The following PCNX2 variants were observed in gnomAD, a reference collection of about 807,000 sequenced individuals.
The protein encoded by PCNX2 is pecanex-like protein 2.
Under a neutral mutation model 223.8 loss-of-function variants are expected in PCNX2, and 168 were observed. The ratio of observed to expected loss-of-function variants is 0.75; its 90% CI spans 0.66 to 0.85. The LOEUF is 0.85. Among genes scored for constraint, PCNX2 ranks in the 40% least tolerant of loss-of-function variants. The pLI is 0.00. For missense variants in PCNX2, 2,507 were observed against 2,675.5 expected (o/e 0.94, Z 1.39); for synonymous variants, 1,006 against 1,052.6 (o/e 0.96, Z 0.86).
intron 12 of PCNX2, among the ~76,000 whole-genome samples, chr1:233,214,748 C>G (rs1682020658): frequency 6.6e-6 from 1 of 152,148 alleles, no homozygotes; most frequent in South Asian, 2.1e-4. Context: ...GTATCCAACT[C>G]CTAATCTTTC....
intron 23 of PCNX2, among the ~76,000 whole-genome samples, chr1:233,062,625 T>C (rs1261709957): frequency 2.0e-5 from 3 of 152,256 alleles, no homozygotes; most frequent in African/African-American, 7.2e-5. Flanking sequence ...ACTTGCCTAA[T>C]GCTTTCACTT....
the PCNX2 span, among the ~76,000 whole-genome samples, chr1:233,320,324 C>T: frequency 6.6e-6 from 1 of 151,942 alleles, no homozygotes; most frequent in Admixed American, 6.6e-5. Flanking sequence ...TGACTTTATT[C>T]AGATTTCACC....
At chr1:233,240,141 C>A (rs1045515735) in intron 8 of PCNX2, among the ~76,000 whole-genome samples, 5 of 152,122 alleles carry the variant, frequency 3.3e-5, no homozygotes, top group Non-Finnish European at 7.3e-5. Flanking sequence ...GAGACGTTTC[C>A]CTTATGTGAT....
chr1:233,250,641 A>G, intron 8 of PCNX2, 98 bp downstream of exon 8: 1 of 1,436,792 alleles, frequency 7.0e-7, no homozygotes, highest in Non-Finnish European at 9.1e-7. Context: ...CAAAGGGATT[A>G]ACACATTTCT....
rs373111176 is a variant in PCNX2 at position 233,057,722 on chromosome 1, A to G, written c.4077-432T>C. The G allele has an allele frequency of 4.4e-5, 10 of 225,702 alleles. No individual in the cohort carries two copies. The East Asian group carries it at 1.4e-3, about 32-fold the overall frequency. The allele number at this position is 225,702 out of a possible 1,614,324, so 14.0% of individuals were successfully genotyped here. A position where few individuals can be genotyped will look rare whatever the true frequency, so the allele number is the denominator to read the frequency against. On this transcript the variant is annotated intron_variant, in intron 23 of 33. Coordinates refer to ENST00000258229, the MANE Select transcript of PCNX2 (RefSeq NM_014801.4). ...CCATCTCTACTAAAAATACAAAAAG[A>G]TTAGCCATGTGTGGTGGCACACTCC...
intron 19 of PCNX2, among the ~76,000 whole-genome samples, chr1:233,142,109 T>C (rs1677165571): frequency 6.6e-6 from 1 of 152,162 alleles, no homozygotes. Context: ...AAGTATAATT[T>C]TTTCTGGAGT....
chr1:233,136,626 C>T (rs1016405), intron 20 of PCNX2, among the ~76,000 whole-genome samples: 97,430 of 152,074 alleles, frequency 0.64, 33,240 homozygotes, highest in African/African-American at 0.89. Context: ...CCTAGAGCCC[C>T]CTGTGTTCCT....
At chr1:233,265,161 T>C (rs1237136668) in intron 1 of PCNX2, among the ~76,000 whole-genome samples, 1 of 151,820 alleles carries the variant, frequency 6.6e-6, no homozygotes, top group Non-Finnish European at 1.5e-5. Flanking sequence ...GAGGACCTCT[T>C]GAGCCTAGGA....
intron 15 of PCNX2, among the ~76,000 whole-genome samples, chr1:233,186,855 C>G (rs1680124549): frequency 6.6e-6 from 1 of 152,112 alleles, no homozygotes. Flanking sequence ...GTATCCAAGT[C>G]TATCTATAGC....
Position 233,086,501 on chromosome 1 carries a change from C to CAAA in PCNX2, c.4076+3557_4076+3559dup, listed in dbSNP as rs531779532. ...TGAAACCCCGTCTCTACTAAAAATA[C>CAAA]AAAAAAAAAAGAAAAAAAAATTAGT... On this transcript the variant is annotated intron_variant, in intron 23 of 33. Coordinates refer to ENST00000258229, the MANE Select transcript of PCNX2 (RefSeq NM_014801.4). 1.9e-3 allele frequency among the ~76,000 whole-genome samples: 275 copies of CAAA among 142,788 alleles called. No individual in the cohort carries two copies. The East Asian group carries it at 0.021, about 11-fold the overall frequency. The allele number at this position is 142,788 out of a possible 152,430, so 93.7% of individuals were successfully genotyped here.
rs75937683 is a variant in PCNX2 at position 232,986,205 on chromosome 1, C to G, written c.6127G>C (p.Val2043Leu). ...TCCGCAGCAGAGAGTCCGGAAATGA[C>G]GAGCGCGCTGGAAAAGCTCCTCTTG... Reference protein sequence around the residue: ...FGKRSFSSALVISGLSAAEGG... With the variant: ...FGKRSFSSALLISGLSAAEGG... Residue 2043 changes from valine (V) to leucine (L), a missense_variant, in exon 33 of 34, where the codon GTC becomes CTC. Coordinates refer to ENST00000258229, the MANE Select transcript of PCNX2 (RefSeq NM_014801.4). 6.4e-7 allele frequency: 1 copy of G among 1,559,428 alleles called. No homozygotes were observed. The highest frequency in any genetic ancestry group is 1.2e-5 in the South Asian group (1 of 84,568).
intron 21 of PCNX2, among the ~76,000 whole-genome samples, chr1:233,106,510 A>C (rs1674790353): frequency 6.6e-6 from 1 of 151,672 alleles, no homozygotes; most frequent in Non-Finnish European, 1.5e-5. Context: ...GTGCCACCAC[A>C]CCTGGCTAAC....
the PCNX2 span, among the ~76,000 whole-genome samples, chr1:233,305,059 A>G: frequency 6.6e-6 from 1 of 152,232 alleles, no homozygotes. Flanking sequence ...TAAACATTCA[A>G]TGGATATATC....
At chr1:233,122,023 G>T (rs1675822432) in intron 21 of PCNX2, among the ~76,000 whole-genome samples, 1 of 151,162 alleles carries the variant, frequency 6.6e-6, no homozygotes, top group Admixed American at 6.6e-5. Flanking sequence ...GATTCAGGAA[G>T]TATGTGAGGA....
rs373209360 is a variant in PCNX2, at chr1:232,984,108, ATTTTTTTT to A, written c.*188_*195del. On this transcript the variant is annotated 3_prime_UTR_variant, in exon 34 of 34. Coordinates refer to ENST00000258229, the MANE Select transcript of PCNX2 (RefSeq NM_014801.4). ...GAGGTTTTTTTGTTGTTGTTGTTTG[ATTTTTTTT>A]TTTTTTTTTTTTTTTTTTTCAAAAA... The A allele has an allele frequency of 4.7e-4, 64 of 135,160 alleles. 1 individual carries two copies. The highest frequency in any genetic ancestry group is 1.9e-3 in the African/African-American group (29 of 15,462). 8.4% of individuals were successfully genotyped at this position (135,160 alleles called of 1,614,324 possible).
chr1:233,128,590 CT>C (rs1423711434), intron 21 of PCNX2, among the ~76,000 whole-genome samples: 1 of 152,154 alleles, frequency 6.6e-6, no homozygotes, highest in Non-Finnish European at 1.5e-5. Flanking sequence ...TCACCTCAGC[CT>C]CCCGAAGTGC....
chr1:233,159,802 C>A (rs1678358304), intron 19 of PCNX2, among the ~76,000 whole-genome samples: 1 of 152,060 alleles, frequency 6.6e-6, no homozygotes, highest in Non-Finnish European at 1.5e-5. Context: ...CAGGTGTAGG[C>A]CTAGATGAAC....
chr1:233,243,958 A>G (rs1275519461), intron 8 of PCNX2, among the ~76,000 whole-genome samples: 1 of 152,098 alleles, frequency 6.6e-6, no homozygotes, highest in Non-Finnish European at 1.5e-5. Flanking sequence ...CAGCCTCCCA[A>G]GCAGCTGGGA....
At chr1:233,112,715 A>T in intron 21 of PCNX2, 6 of 644,100 alleles carry the variant, frequency 9.3e-6, no homozygotes, top group South Asian at 3.5e-5. Flanking sequence ...ATCTTTGAAC[A>T]ATATAACTAA....
Sources: gnomAD v4.1 joint callset for allele counts (sites outside exome capture counted in the v4.1 genomes callset) on GRCh38, gnomAD v4.1.1 for gene constraint, MANE v1.5 for transcripts, NCBI Gene and HGNC (gene_info 2026-07-23, HGNC 2026-07-21) for gene names.